Variants in CYP4X1 observed in about 807,000 individuals in gnomAD.
CYP4X1 encodes cytochrome P450 family 4 subfamily X member 1, also known as cytochrome P450 4X1.
In CYP4X1, 44 loss-of-function variants were observed where a neutral mutation model predicts 57.9. The observed-to-expected ratio is 0.76, with a 90% CI of 0.60 to 0.98. CYP4X1 has a LOEUF of 0.98. CYP4X1 is among the 50% of genes least tolerant of loss of function. The probability of loss-of-function intolerance (pLI) is 0.00; values close to 1 mark genes in which losing one functional copy is unlikely to be tolerated. For synonymous variants in CYP4X1, 227 were observed against 228.6 expected (o/e 0.99, Z 0.06); for missense variants, 532 against 623.9 (o/e 0.85, Z 1.57).
chr1:47,044,610 A>T lies in CYP4X1; in HGVS notation c.1074-1857A>T, dbSNP rs542719161. Among the ~76,000 whole-genome samples, 8 of 152,252 alleles carry T rather than the reference A, an allele frequency of 5.3e-5. No individual in the cohort carries two copies. In the South Asian group the frequency reaches 1.7e-3, roughly 32 times the overall value. ...AGTGAGATTTTTGTTTTCAATTTTC[A>T]TGTTGTTAATTAGTATTCTTTCATT... On this transcript the variant is annotated intron_variant, in intron 8 of 11. Transcript: ENST00000371901.
chr1:47,035,411 T>A (rs886372280), intron 4 of CYP4X1, among the ~76,000 whole-genome samples: 24 of 152,198 alleles, frequency 1.6e-4, no homozygotes, highest in Admixed American at 3.3e-4. Context: ...TTGAGAGCAG[T>A]GGCAGGGTAC....
At chr1:47,054,979 G>A (rs991578411), downstream of CYP4X1, among the ~76,000 whole-genome samples, 1 of 152,112 alleles carries the variant, frequency 6.6e-6, no homozygotes, top group Non-Finnish European at 1.5e-5. Flanking sequence ...GGTGAGAGAG[G>A]GCATCCCTGT....
At chr1:47,053,033 G>C (rs1248859645), downstream of CYP4X1, among the ~76,000 whole-genome samples, 1 of 151,832 alleles carries the variant, frequency 6.6e-6, no homozygotes, top group Non-Finnish European at 1.5e-5. Flanking sequence ...TCATCATTTA[G>C]CATTAGGTAT....
At chr1:46,972,698 T>A in the CYP4X1 span, among the ~76,000 whole-genome samples, 1 of 152,128 alleles carries the variant, frequency 6.6e-6, no homozygotes, top group African/African-American at 2.4e-5. Context: ...TTTGTGGCTA[T>A]TGTGAATGGG....
chr1:47,007,207 C>T, the CYP4X1 span, among the ~76,000 whole-genome samples: 1 of 152,166 alleles, frequency 6.6e-6, no homozygotes, highest in Non-Finnish European at 1.5e-5. Context: ...CTCACACGGC[C>T]AGGTACTCCT....
chr1:46,972,107 G>A, the CYP4X1 span, among the ~76,000 whole-genome samples: 1 of 152,088 alleles, frequency 6.6e-6, no homozygotes, highest in Non-Finnish European at 1.5e-5. Flanking sequence ...CTTGAGTTGA[G>A]TTTTGTATAT....
At chr1:46,970,438 C>G in the CYP4X1 span, among the ~76,000 whole-genome samples, 2 of 152,186 alleles carry the variant, frequency 1.3e-5, no homozygotes, top group African/African-American at 2.4e-5. Context: ...GAAGATGCCA[C>G]GTATGAACAT....
the CYP4X1 span, among the ~76,000 whole-genome samples, chr1:46,966,308 C>T: frequency 1.3e-5 from 2 of 152,130 alleles, no homozygotes; most frequent in Non-Finnish European, 2.9e-5. Context: ...GATCCCAGGG[C>T]TGGATTATGT....
intron 1 of CYP4X1, among the ~76,000 whole-genome samples, chr1:47,028,388 A>G (rs920172332): frequency 6.6e-6 from 1 of 152,196 alleles, no homozygotes; most frequent in Admixed American, 6.5e-5. Flanking sequence ...TATCTACTTC[A>G]TAGGGTTCTT....
chr1:46,984,653 C>T, the CYP4X1 span, among the ~76,000 whole-genome samples: 1 of 152,116 alleles, frequency 6.6e-6, no homozygotes, highest in East Asian at 1.9e-4. Context: ...GGGGCTGTGC[C>T]TTGAGGAACA....
intron 9 of CYP4X1, among the ~76,000 whole-genome samples, chr1:47,047,773 A>G (rs1557611781): frequency 2.0e-5 from 3 of 151,780 alleles, no homozygotes; most frequent in South Asian, 2.1e-4. Flanking sequence ...AAATTTTTGT[A>G]TTTTTATTAG....
At position 47,050,111 on chromosome 1, in the gene CYP4X1, C is replaced by A. The variant is rs1307671506; in HGVS notation, c.1467C>A (p.Asn489Lys). The change falls in exon 12 of 12, where the codon AAC (asparagine) becomes AAA (lysine). Residue 489 changes from asparagine (N) to lysine (K), a missense_variant. By Grantham distance (94) the Asn-to-Lys change is moderately conservative (BLOSUM62 0). Coordinates refer to ENST00000371901, the MANE Select transcript of CYP4X1 (RefSeq NM_178033.2). Reference sequence around the variant, plus strand: ...CCACCAGGCCTCTTACTTTCCCCAACCATTTTATCCTCAAGCCCAAGAATG... The same window carrying A: ...CCACCAGGCCTCTTACTTTCCCCAAACATTTTATCCTCAAGCCCAAGAATG... ...PDPTRPLTFPNHFILKPKNGM... is the reference protein window; with the variant it reads ...PDPTRPLTFPKHFILKPKNGM... 6.2e-7 allele frequency: 1 copy of A among 1,614,094 alleles called. No homozygotes were observed. The highest frequency in any genetic ancestry group is 8.5e-7 in the Non-Finnish European group (1 of 1,180,014).
At chr1:46,981,242 G>C in the CYP4X1 span, among the ~76,000 whole-genome samples, 1 of 151,784 alleles carries the variant, frequency 6.6e-6, no homozygotes, top group Non-Finnish European at 1.5e-5. Context: ...ATCTAACAAG[G>C]GCTAATATCC....
chr1:46,976,875 G>A, the CYP4X1 span, among the ~76,000 whole-genome samples: 2 of 152,214 alleles, frequency 1.3e-5, no homozygotes, highest in African/African-American at 2.4e-5. Context: ...ACCAGCAGCT[G>A]AGGGACCTGA....
intron 1 of CYP4X1, among the ~76,000 whole-genome samples, chr1:47,024,313 A>G (rs1332270153): frequency 6.6e-6 from 1 of 152,234 alleles, no homozygotes; most frequent in Admixed American, 6.5e-5. Context: ...CAAGCCTTCC[A>G]CATGTGTTGC....
the CYP4X1 span, among the ~76,000 whole-genome samples, chr1:46,980,781 G>T: frequency 2.6e-5 from 4 of 152,054 alleles, no homozygotes; most frequent in Non-Finnish European, 4.4e-5. Flanking sequence ...CCAAAACAGA[G>T]ATATAGATCA....
At chr1:47,053,428 TACC>T (rs1200503211), downstream of CYP4X1, among the ~76,000 whole-genome samples, 2 of 152,214 alleles carry the variant, frequency 1.3e-5, no homozygotes, top group African/African-American at 4.8e-5. Flanking sequence ...TTTGGGTATA[TACC>T]CAGTAATGGG....
At chr1:46,977,764 A>T in the CYP4X1 span, among the ~76,000 whole-genome samples, 9,460 of 152,212 alleles carry the variant, frequency 0.062, 402 homozygotes, top group Middle Eastern at 0.14. Flanking sequence ...CCATCAGACT[A>T]ACAGCTGATC....
At chr1:47,012,001 C>T in the CYP4X1 span, among the ~76,000 whole-genome samples, 3 of 152,142 alleles carry the variant, frequency 2.0e-5, no homozygotes, top group East Asian at 1.9e-4. Context: ...GACAGTGTGG[C>T]GATTCCTCAA....
Sources: gnomAD v4.1 joint callset for allele counts (sites outside exome capture counted in the v4.1 genomes callset) on GRCh38, gnomAD v4.1.1 for gene constraint, MANE v1.5 for transcripts, NCBI Gene and HGNC (gene_info 2026-07-23, HGNC 2026-07-21) for gene names.